Variants in USH2A observed in about 807,000 individuals in gnomAD.
The protein encoded by USH2A is usherin.
Under a neutral mutation model 538.9 loss-of-function variants are expected in USH2A, and 443 were observed. That is an observed-to-expected ratio of 0.82 (90% CI 0.76 to 0.89). USH2A has a LOEUF of 0.89. Among genes scored for constraint, USH2A ranks in the 40% least tolerant of loss-of-function variants. The probability of loss-of-function intolerance (pLI) is 0.00; values close to 1 mark genes in which losing one functional copy is unlikely to be tolerated. For synonymous variants in USH2A, 2,413 were observed against 2,273.5 expected (o/e 1.06, Z -1.75); for missense variants, 6,633 against 6,324.8 (o/e 1.05, Z -1.65).
At position 215,798,980 on chromosome 1, in the gene USH2A, A is replaced by C. The variant is rs780036975; in HGVS notation, c.9885T>G (p.Cys3295Trp). 3 of 1,614,000 alleles carry C rather than the reference A, an allele frequency of 1.9e-6. No homozygotes were observed. The African/African-American group carries it at 4.0e-5, about 22-fold the overall frequency. ...AATCGTTGCTCACAATCTGTCTGCC[A>C]CAGCACTTCTGGCCATGGCCATCAT... ...RLHDGHGQKCCGRQIVSNDLE... is the reference protein window; with the variant it reads ...RLHDGHGQKCWGRQIVSNDLE... Residue 3295 changes from cysteine to tryptophan, a missense_variant, in exon 50 of 72, where the codon TGT becomes TGG. Cys to Trp is a radical substitution (Grantham distance 215). Transcript: ENST00000307340.
At chr1:216,396,562 T>C (rs1316643657) in intron 3 of USH2A, among the ~76,000 whole-genome samples, 1 of 152,190 alleles carries the variant, frequency 6.6e-6, no homozygotes, top group Non-Finnish European at 1.5e-5. Context: ...ATTTTAACCA[T>C]GATCAAGCAT....
chr1:215,713,508 T>A (rs140719263), intron 61 of USH2A, among the ~76,000 whole-genome samples: 72 of 152,318 alleles, frequency 4.7e-4, no homozygotes, highest in African/African-American at 1.6e-3. Flanking sequence ...TGGAAAAATA[T>A]TCCCCATGTG....
At chr1:216,041,492 G>C (rs1057386615) in intron 32 of USH2A, among the ~76,000 whole-genome samples, 1 of 152,088 alleles carries the variant, frequency 6.6e-6, no homozygotes, top group East Asian at 1.9e-4. Context: ...CAAACCCTAC[G>C]GGAAGAATGT....
intron 61 of USH2A, among the ~76,000 whole-genome samples, chr1:215,701,013 G>T (rs550770691): frequency 1.3e-5 from 2 of 152,120 alleles, no homozygotes; most frequent in African/African-American, 4.8e-5. Context: ...TTGTATCTTT[G>T]TTCTCATTGG....
chr1:216,164,283 T>C (rs191017123), intron 21 of USH2A, among the ~76,000 whole-genome samples: 340 of 152,208 alleles, frequency 2.2e-3, no homozygotes, highest in African/African-American at 7.7e-3. Flanking sequence ...AGGAGAAACC[T>C]AGTGAGAAAT....
chr1:216,059,773 TTTG>T (rs534792057), intron 30 of USH2A, among the ~76,000 whole-genome samples: 18 of 152,226 alleles, frequency 1.2e-4, no homozygotes, highest in African/African-American at 3.9e-4. Context: ...CTGTTTTTTC[TTTG>T]TTGTTGTTGT....
At chr1:215,969,404 A>G (rs914840927) in intron 36 of USH2A, among the ~76,000 whole-genome samples, 1 of 152,180 alleles carries the variant, frequency 6.6e-6, no homozygotes, top group African/African-American at 2.4e-5. Flanking sequence ...GCAGGTTGAT[A>G]ATGCAGGTCC....
At chr1:215,668,525 A>G (rs974496428) in intron 64 of USH2A, among the ~76,000 whole-genome samples, 9 of 152,256 alleles carry the variant, frequency 5.9e-5, no homozygotes, top group African/African-American at 2.2e-4. Flanking sequence ...ATCAAAAACC[A>G]AATTAAATAC....
At position 215,675,586 on chromosome 1, in the gene USH2A, C is replaced by T; in HGVS notation, c.12325G>A (p.Glu4109Lys). Reference sequence around the variant, plus strand: ...AACTGACGATTCAAACCAGAGTACTCCAGGAACCCGTCACTGAAGATGTTG... The same window carrying T: ...AACTGACGATTCAAACCAGAGTACTTCAGGAACCCGTCACTGAAGATGTTG... ...TYNIFSDGFLEYSGLNRQFLF... is the reference protein window; with the variant it reads ...TYNIFSDGFLKYSGLNRQFLF... The change falls in exon 63 of 72, where the codon GAG (glutamate) becomes AAG (lysine). Residue 4109 changes from glutamate to lysine, a missense_variant. Glu to Lys is a moderately conservative substitution (Grantham distance 56, BLOSUM62 1). Coordinates refer to ENST00000307340, the MANE Select transcript of USH2A (RefSeq NM_206933.4). 1 of 1,614,074 alleles carries T rather than the reference C, an allele frequency of 6.2e-7. No individual in the cohort carries two copies. The highest frequency in any genetic ancestry group is 8.5e-7 in the Non-Finnish European group (1 of 1,179,994).
chr1:216,143,289 A>G (rs1366662033), intron 21 of USH2A, among the ~76,000 whole-genome samples: 1 of 152,194 alleles, frequency 6.6e-6, no homozygotes, highest in East Asian at 1.9e-4. Flanking sequence ...AAACAGCATC[A>G]TACTATTGAC....
intron 18 of USH2A, 50 bp from the exon 19 acceptor site, chr1:216,196,772 T>C: frequency 6.4e-7 from 1 of 1,570,430 alleles, no homozygotes; most frequent in Non-Finnish European, 8.7e-7. Context: ...ATGTCGTCCC[T>C]ATATATTTTT....
intron 30 of USH2A, among the ~76,000 whole-genome samples, chr1:216,064,251 G>T (rs1487696407): frequency 1.3e-5 from 2 of 151,962 alleles, no homozygotes; most frequent in Non-Finnish European, 2.9e-5. Flanking sequence ...TAGGGTTGTG[G>T]GTGGCTGGAG....
intron 3 of USH2A, among the ~76,000 whole-genome samples, chr1:216,415,685 TA>T (rs998886663): frequency 2.0e-5 from 3 of 151,882 alleles, no homozygotes; most frequent in African/African-American, 7.3e-5. Context: ...CACACCTGGC[TA>T]ATTTTTTTAG....
intron 9 of USH2A, among the ~76,000 whole-genome samples, chr1:216,298,849 T>C (rs1285593908): frequency 1.3e-5 from 2 of 151,866 alleles, no homozygotes; most frequent in Non-Finnish European, 2.9e-5. Context: ...AATACTTTTT[T>C]TTTTTTTTTG....
chr1:215,715,454 G>C (rs1659456819), intron 61 of USH2A, among the ~76,000 whole-genome samples: 1 of 152,152 alleles, frequency 6.6e-6, no homozygotes, highest in Non-Finnish European at 1.5e-5. Context: ...TGTGGTACCA[G>C]ATGTGTACTT....
chr1:216,090,643 T>C (rs894485381), intron 22 of USH2A, among the ~76,000 whole-genome samples: 2 of 152,122 alleles, frequency 1.3e-5, no homozygotes, highest in African/African-American at 4.8e-5. Flanking sequence ...TTCAACATTT[T>C]AATATTTTAC....
intron 21 of USH2A, among the ~76,000 whole-genome samples, chr1:216,160,140 A>G (rs1307087558): frequency 6.6e-6 from 1 of 151,754 alleles, no homozygotes; most frequent in Non-Finnish European, 1.5e-5. Flanking sequence ...TTGCTATATC[A>G]TTGATTTCTC....
At chr1:216,086,312 C>T (rs1358635413) in intron 24 of USH2A, among the ~76,000 whole-genome samples, 1 of 151,988 alleles carries the variant, frequency 6.6e-6, no homozygotes, top group Non-Finnish European at 1.5e-5. Context: ...TGGTTTAGTG[C>T]CTATCACATA....
chr1:216,193,986 T>C (rs539500022), intron 19 of USH2A: 1 of 152,306 alleles, frequency 6.6e-6, no homozygotes, highest in African/African-American at 2.4e-5. Context: ...CTTCCACTAT[T>C]GCATCACAGT....
Sources: gnomAD v4.1 joint callset for allele counts (sites outside exome capture counted in the v4.1 genomes callset) on GRCh38, gnomAD v4.1.1 for gene constraint, MANE v1.5 for transcripts, NCBI Gene and HGNC (gene_info 2026-07-23, HGNC 2026-07-21) for gene names.